The following C1QTNF3 variants were observed in gnomAD, a reference collection of about 807,000 sequenced individuals.
C1QTNF3 encodes complement C1q tumor necrosis factor-related protein 3.
C1QTNF3 carries 26 observed loss-of-function variants against 32.6 expected under a neutral mutation model. That is an observed-to-expected ratio of 0.80 (90% CI 0.58 to 1.11). The LOEUF is 1.11. Ranked by LOEUF, C1QTNF3 falls within the 50% of genes least tolerant of loss-of-function variation. C1QTNF3 has a pLI of 0.00. For missense variants in C1QTNF3, 362 were observed against 398.2 expected, an observed-to-expected ratio of 0.91 and a Z score of 0.77; for synonymous variants, 155 against 146.0, an observed-to-expected ratio of 1.06 and a Z score of -0.44.
At chr5:34,115,286 G>A in the C1QTNF3 span, among the ~76,000 whole-genome samples, 1 of 152,148 alleles carries the variant, frequency 6.6e-6, no homozygotes, top group African/African-American at 2.4e-5. Flanking sequence ...ATGCTGGATA[G>A]TTTCATCATA....
At chr5:34,223,766 C>T in the C1QTNF3 span, among the ~76,000 whole-genome samples, 2 of 152,124 alleles carry the variant, frequency 1.3e-5, no homozygotes, top group South Asian at 2.1e-4. Context: ...TCTCTCACCA[C>T]TCCTATTCAA....
chr5:34,157,459 T>G, the C1QTNF3 span, among the ~76,000 whole-genome samples: 2 of 152,212 alleles, frequency 1.3e-5, no homozygotes, highest in Admixed American at 6.5e-5. Context: ...CCAAAGATGT[T>G]TGCATTGTTG....
the C1QTNF3 span, among the ~76,000 whole-genome samples, chr5:34,244,029 T>C: frequency 2.0e-4 from 30 of 152,282 alleles, 1 homozygote; most frequent in African/African-American, 7.0e-4. Flanking sequence ...GGGGAAGGCA[T>C]TGGGGGATGC....
the C1QTNF3 span, among the ~76,000 whole-genome samples, chr5:34,156,250 T>C: frequency 6.6e-6 from 1 of 152,042 alleles, no homozygotes; most frequent in African/African-American, 2.4e-5. Context: ...TGTGTAATTT[T>C]AGTAGAGATG....
At chr5:34,217,922 G>A in the C1QTNF3 span, among the ~76,000 whole-genome samples, 173 of 152,126 alleles carry the variant, frequency 1.1e-3, no homozygotes, top group African/African-American at 3.9e-3. Context: ...GTGACCAAAT[G>A]TATAAAAGAA....
At chr5:34,244,324 G>A in the C1QTNF3 span, among the ~76,000 whole-genome samples, 1 of 152,148 alleles carries the variant, frequency 6.6e-6, no homozygotes, top group African/African-American at 2.4e-5. Context: ...TTACAGCTCT[G>A]CGCAGAGCCA....
At chr5:34,207,980 CG>C in the C1QTNF3 span, among the ~76,000 whole-genome samples, 2 of 152,018 alleles carry the variant, frequency 1.3e-5, no homozygotes, top group Admixed American at 6.6e-5. Context: ...TTAGTAGAGA[CG>C]GGGTTTCACC....
At chr5:34,078,780 C>G in the C1QTNF3 span, among the ~76,000 whole-genome samples, 1 of 151,564 alleles carries the variant, frequency 6.6e-6, no homozygotes, top group Non-Finnish European at 1.5e-5. The surrounding 1 kb of genome is among the most constrained non-coding windows in gnomAD (Gnocchi z 4.0). Flanking sequence ...CCTTCCACCA[C>G]CAGCTATCGC....
At chr5:34,141,567 C>T in the C1QTNF3 span, among the ~76,000 whole-genome samples, 2 of 152,254 alleles carry the variant, frequency 1.3e-5, no homozygotes, top group East Asian at 3.9e-4. Context: ...TAGCCATCAT[C>T]TCAGGTATGA....
At chr5:34,046,389 G>A (rs947678769), upstream of C1QTNF3, among the ~76,000 whole-genome samples, 1 of 152,176 alleles carries the variant, frequency 6.6e-6, no homozygotes, top group African/African-American at 2.4e-5. Context: ...GGTCATTAGG[G>A]TGGGCCCTGA....
chr5:34,178,319 G>A, the C1QTNF3 span, among the ~76,000 whole-genome samples: 7 of 152,078 alleles, frequency 4.6e-5, no homozygotes, highest in East Asian at 1.9e-4. Context: ...TTTTCAAAGA[G>A]AATGAACAAG....
At chr5:34,139,069 T>A in the C1QTNF3 span, among the ~76,000 whole-genome samples, 2 of 152,072 alleles carry the variant, frequency 1.3e-5, no homozygotes, top group African/African-American at 4.8e-5. Context: ...TTAGACATAT[T>A]GTATGTATCT....
chr5:34,042,512 A>C (rs186171593), intron 1 of C1QTNF3, among the ~76,000 whole-genome samples: 8 of 152,294 alleles, frequency 5.3e-5, no homozygotes, highest in Admixed American at 5.2e-4. Flanking sequence ...TTTCCGGACC[A>C]ACAGAGCAAG....
chr5:34,238,653 T>C, the C1QTNF3 span, among the ~76,000 whole-genome samples: 1 of 151,898 alleles, frequency 6.6e-6, no homozygotes, highest in African/African-American at 2.4e-5. Flanking sequence ...AGAGACCAAA[T>C]CTACGACTCA....
chr5:34,213,810 T>TATATATATATATATATA, the C1QTNF3 span, among the ~76,000 whole-genome samples: 362 of 13,430 alleles, frequency 0.027, 8 homozygotes, highest in Middle Eastern at 0.062. Context: ...TATATATATA[T>TATATATATATATATATA]TTTTTTTTTT....
At chr5:34,148,115 G>A in the C1QTNF3 span, among the ~76,000 whole-genome samples, 1 of 150,374 alleles carries the variant, frequency 6.7e-6, no homozygotes, top group African/African-American at 2.4e-5. Flanking sequence ...GGAAAATCGG[G>A]TCACTCCCAC....
At chr5:34,054,480 T>A in the C1QTNF3 span, among the ~76,000 whole-genome samples, 1 of 152,198 alleles carries the variant, frequency 6.6e-6, no homozygotes, top group South Asian at 2.1e-4. Flanking sequence ...CACTGTAGCT[T>A]GCAAGCTGCC....
At chr5:34,055,494 T>C in the C1QTNF3 span, among the ~76,000 whole-genome samples, 5 of 152,180 alleles carry the variant, frequency 3.3e-5, no homozygotes, top group African/African-American at 1.2e-4. Context: ...GTGTGAAACA[T>C]CCAATTAACA....
the C1QTNF3 span, among the ~76,000 whole-genome samples, chr5:34,178,079 C>A: frequency 7.3e-6 from 1 of 136,266 alleles, no homozygotes; most frequent in African/African-American, 2.7e-5. Flanking sequence ...CCAGCCTGAC[C>A]AACATGGTGA....
Sources: allele counts gnomAD v4.1 joint callset (sites outside exome capture counted in the v4.1 genomes callset), GRCh38; gene constraint gnomAD v4.1.1; non-coding constraint Gnocchi (gnomAD v3.1); transcripts MANE v1.5; gene names NCBI Gene and HGNC (gene_info 2026-07-23, HGNC 2026-07-21).